CFAP69: variants seen among roughly 807,000 people sequenced by gnomAD.
The protein encoded by CFAP69 is cilia and flagella associated protein 69.
A neutral mutation model predicts 123.0 loss-of-function variants in CFAP69; 92 were observed. The observed-to-expected ratio is 0.75, with a 90% confidence interval of 0.63 to 0.89. The LOEUF is 0.89. Among genes scored for constraint, CFAP69 ranks in the 40% least tolerant of loss-of-function variants. CFAP69 has a pLI of 0.00. For synonymous variants in CFAP69, 380 were observed against 364.3 expected (o/e 1.04, Z -0.49); for missense variants, 1,067 against 1,096.9 (o/e 0.97, Z 0.39).
At chr7:90,260,459 G>A (rs895507521) in intron 3 of CFAP69, among the ~76,000 whole-genome samples, 2 of 152,074 alleles carry the variant, frequency 1.3e-5, no homozygotes, top group African/African-American at 2.4e-5. Context: ...CCAGAAATTC[G>A]AGGCTGCAGT....
At position 90,272,465 on chromosome 7, in the gene CFAP69, A is replaced by T. The variant is rs565942426; in HGVS notation, c.860+507A>T. Reference sequence around the variant, plus strand: ...ATTGTGCTAGGAGGGATGGACAAGTAAATAGACAACTAAAAGAGAACATAC... The same window carrying T: ...ATTGTGCTAGGAGGGATGGACAAGTTAATAGACAACTAAAAGAGAACATAC... On this transcript the variant is annotated intron_variant, in intron 8 of 22. Transcript: ENST00000389297. 2.9e-4 allele frequency among the ~76,000 whole-genome samples: 44 copies of T among 152,298 alleles called. No individual in the cohort carries two copies. In the South Asian group the frequency reaches 4.6e-3, roughly 16 times the overall value.
intron 1 of CFAP69, among the ~76,000 whole-genome samples, chr7:90,248,814 T>G (rs1796620663): frequency 6.6e-6 from 1 of 152,182 alleles, no homozygotes; most frequent in Non-Finnish European, 1.5e-5. Context: ...TGGTGGCCAT[T>G]TTCTAATTGT....
chr7:90,289,322 G>A (rs1020875683), intron 15 of CFAP69, among the ~76,000 whole-genome samples: 24 of 152,000 alleles, frequency 1.6e-4, no homozygotes, highest in Non-Finnish European at 3.1e-4. Context: ...AACACACTGC[G>A]TTGTATCTTT....
At position 90,283,025 on chromosome 7, in the gene CFAP69, T is replaced by C. The variant is rs776732602; in HGVS notation, c.1506T>C (p.Leu502=). ...AAGATGAGACTGTAAACAAAGATCT[T>C]TGTGAAAAGGGAACAATTCAGCAAA... ...YLEDETVNKD[L]CEKGTIQQMI... Residue 502 remains leucine, a synonymous_variant, in exon 13 of 23, where the codon CTT becomes CTC. Coordinates refer to ENST00000389297, the MANE Select transcript of CFAP69 (RefSeq NM_001039706.3). The C allele has an allele frequency of 3.2e-6, 5 of 1,576,660 alleles. No homozygotes were observed. In the African/African-American group the frequency reaches 4.1e-5, roughly 13 times the overall value.
At chr7:90,268,656 ATTATG>A (rs1799508744) in intron 6 of CFAP69, among the ~76,000 whole-genome samples, 1 of 152,140 alleles carries the variant, frequency 6.6e-6, no homozygotes, top group African/African-American at 2.4e-5. Context: ...AAATGTTACT[ATTATG>A]TTATTTAATA....
rs189490473 is a variant in CFAP69, at chr7:90,277,038, T to A, written c.985-35T>A. The A allele has an allele frequency of 4.2e-6, 6 of 1,432,602 alleles. No individual in the cohort carries two copies. The African/African-American group carries it at 8.7e-5, about 21-fold the overall frequency. 88.7% of individuals were successfully genotyped at this position (1,432,602 alleles called of 1,614,324 possible). The stretch of plus-strand genomic sequence containing the variant: ...TGCATCATAACTTTCATCTTATTCA[T>A]TCATCTTTCTGCTTATTTTATGTAT... On this transcript the variant is annotated intron_variant, in intron 9 of 22. Transcript: ENST00000389297.
At chr7:90,303,907 A>C in intron 17 of CFAP69, 62 bp from the exon 18 acceptor site, 1 of 1,442,062 alleles carries the variant, frequency 6.9e-7, no homozygotes, top group Non-Finnish European at 9.2e-7. Context: ...CTCAAAATTA[A>C]GTATTTGTTT....
intron 12 of CFAP69, among the ~76,000 whole-genome samples, chr7:90,281,834 C>A (rs1789537944): frequency 6.6e-6 from 1 of 152,026 alleles, no homozygotes; most frequent in African/African-American, 2.4e-5. Context: ...TGAGAGATGA[C>A]ATTTATTACC....
chr7:90,245,543 A>G lies in CFAP69; in HGVS notation c.119A>G (p.Gln40Arg). Residue 40 changes from glutamine to arginine, a missense_variant and splice_region_variant, in exon 1 of 23, where the codon CAG (glutamine) becomes CGG (arginine). Transcript: ENST00000389297. ...GTGGTGACGGAGGACGATGAGGCGC[A>G]GGTATGAGCAGGTGTCTGTGCTTTC... ...VGVVTEDDEA[Q>R]DVFKPMDLNR... 1 of 1,492,678 alleles carries G rather than the reference A, an allele frequency of 6.7e-7. No homozygotes were observed. Among genetic ancestry groups the G allele is most frequent in the Non-Finnish European group, 8.9e-7 (1 of 1,121,802 alleles). 92.5% of individuals were successfully genotyped at this position (1,492,678 alleles called of 1,614,324 possible).
At chr7:90,289,638 T>C (rs1445493796) in intron 15 of CFAP69, among the ~76,000 whole-genome samples, 1 of 152,170 alleles carries the variant, frequency 6.6e-6, no homozygotes, top group Non-Finnish European at 1.5e-5. Flanking sequence ...TGTGGTCCAA[T>C]TTACCAGTCT....
downstream of CFAP69, chr7:90,311,102 A>G (rs550318111): frequency 2.4e-4 from 36 of 152,298 alleles, no homozygotes; most frequent in African/African-American, 8.4e-4. Context: ...GAAAGGTGTA[A>G]TGGGGGAAGT....
At chr7:90,280,411 G>A (rs763088934) in intron 12 of CFAP69, among the ~76,000 whole-genome samples, 4 of 152,186 alleles carry the variant, frequency 2.6e-5, no homozygotes, top group Non-Finnish European at 4.4e-5. Flanking sequence ...GCCCCGGCTG[G>A]TCTCAAACTC....
intron 9 of CFAP69, chr7:90,276,124 C>A (rs1788565486): frequency 1.3e-5 from 2 of 152,104 alleles, no homozygotes; most frequent in African/African-American, 2.4e-5. Context: ...AATAGAGATC[C>A]TTGGCAACAA....
Position 90,265,262 on chromosome 7 carries a change from A to C in CFAP69, c.357-39A>C, listed in dbSNP as rs758765109. 2.6e-5 allele frequency: 35 copies of C among 1,336,050 alleles called. No individual in the cohort carries two copies. The South Asian group carries it at 4.1e-4, about 16-fold the overall frequency. 82.8% of individuals were successfully genotyped at this position (1,336,050 alleles called of 1,614,324 possible). A position where few individuals can be genotyped will look rare whatever the true frequency, so the allele number is the denominator to read the frequency against. On this transcript the variant is annotated intron_variant, in intron 4 of 22. Transcript: ENST00000389297. ...AAATGATGCTTCAATTAAAGACTTT[A>C]TTAAAAATTACTGTTACAATTCTTC...
At chr7:90,312,931 A>T (rs1391831788), downstream of CFAP69, 1 of 152,222 alleles carries the variant, frequency 6.6e-6, no homozygotes, top group Non-Finnish European at 1.5e-5. Context: ...CAGTAATGAG[A>T]CTTTTACCAC....
rs1796190437 is a variant in CFAP69 at position 90,245,265 on chromosome 7, G to A, written c.-160G>A. The A allele has an allele frequency of 1.1e-6, 1 of 949,772 alleles. No individual in the cohort carries two copies. Among genetic ancestry groups the A allele is most frequent in the South Asian group, 2.2e-5 (1 of 46,046 alleles). 58.8% of individuals were successfully genotyped at this position (949,772 alleles called of 1,614,324 possible). Reference sequence around the variant, plus strand: ...AGCGGCGCTAAGCGGACTGTATGGCGGTGGCCTAGGCCCCTGGCGGAATTT... The same window carrying A: ...AGCGGCGCTAAGCGGACTGTATGGCAGTGGCCTAGGCCCCTGGCGGAATTT... On this transcript the variant is annotated 5_prime_UTR_variant, in exon 1 of 23. Coordinates refer to ENST00000389297, the MANE Select transcript of CFAP69 (RefSeq NM_001039706.3).
the CFAP69 span, chr7:90,319,570 T>C: frequency 7.5e-6 from 3 of 398,612 alleles, no homozygotes; most frequent in Admixed American, 4.4e-5. Context: ...CTTGAGTTCC[T>C]TGAGATCTAT....
At chr7:90,316,858 G>A in the CFAP69 span, 3 of 152,100 alleles carry the variant, frequency 2.0e-5, no homozygotes, top group Non-Finnish European at 4.4e-5. Flanking sequence ...GTTTATCATC[G>A]CTGCAATAAA....
chr7:90,274,152 G>C, intron 9 of CFAP69, 42 bp downstream of exon 9: 6 of 1,575,066 alleles, frequency 3.8e-6, no homozygotes, highest in Non-Finnish European at 5.1e-6. Context: ...TTGTGGAAGT[G>C]GTGGGCTTGG....
Sources: allele counts gnomAD v4.1 joint callset (sites outside exome capture counted in the v4.1 genomes callset), GRCh38; gene constraint gnomAD v4.1.1; transcripts MANE v1.5; gene names NCBI Gene and HGNC (gene_info 2026-07-23, HGNC 2026-07-21).